Variants in ITPK1 observed in about 807,000 individuals in gnomAD.
ITPK1 encodes inositol-tetrakisphosphate 1-kinase.
ITPK1 carries 21 observed loss-of-function variants against 45.3 expected under a neutral mutation model. That is an observed-to-expected ratio of 0.46 (90% CI 0.33 to 0.67). The LOEUF (loss-of-function observed/expected upper bound fraction) is 0.67. Among genes scored for constraint, ITPK1 ranks in the 30% least tolerant of loss-of-function variants. The pLI is 0.02. For synonymous variants in ITPK1, 258 were observed against 253.6 expected (o/e 1.02, Z -0.16); for missense variants, 474 against 573.5 (o/e 0.83, Z 1.77).
intron 5 of ITPK1, among the ~76,000 whole-genome samples, chr14:92,982,413 G>A (rs192731632): frequency 6.2e-4 from 95 of 152,270 alleles, no homozygotes; most frequent in African/African-American, 2.1e-3. Context: ...AGCTGTGGCC[G>A]CCTTGCAAGT....
intron 4 of ITPK1, among the ~76,000 whole-genome samples, chr14:92,994,466 G>A (rs894958699): frequency 6.6e-6 from 1 of 152,164 alleles, no homozygotes; most frequent in Non-Finnish European, 1.5e-5. Context: ...CACTCCTCAA[G>A]TACTCCACTT....
At chr14:93,092,637 G>C (rs182922528) in intron 2 of ITPK1, among the ~76,000 whole-genome samples, 77 of 152,352 alleles carry the variant, frequency 5.1e-4, no homozygotes, top group African/African-American at 1.3e-3. Context: ...GACATTCTTG[G>C]AAGACGAGAG....
chr14:93,006,830 T>A (rs1185638606), intron 4 of ITPK1, among the ~76,000 whole-genome samples: 1 of 152,130 alleles, frequency 6.6e-6, no homozygotes, highest in South Asian at 2.1e-4. Flanking sequence ...AACTCCCCCT[T>A]TTTCCAGGCC....
chr14:93,001,728 G>A (rs1887364661), intron 4 of ITPK1, among the ~76,000 whole-genome samples: 1 of 152,274 alleles, frequency 6.6e-6, no homozygotes, highest in Admixed American at 6.5e-5. Context: ...GTACTCACAG[G>A]GGCTTTCATG....
chr14:92,940,236 C>T lies in ITPK1; in HGVS notation c.*1325G>A. Reference sequence around the variant, plus strand: ...GAGGACAGCCCGGAAGCCTTTTTCACTTTTTCAAAGTAAACTGCTATCTTA... The same window carrying T: ...GAGGACAGCCCGGAAGCCTTTTTCATTTTTTCAAAGTAAACTGCTATCTTA... On this transcript the variant is annotated 3_prime_UTR_variant, in exon 11 of 11. Coordinates refer to ENST00000267615, the MANE Select transcript of ITPK1 (RefSeq NM_014216.6). 1.9e-5 allele frequency: 19 copies of T among 986,460 alleles called. No individual in the cohort carries two copies. The highest frequency in any genetic ancestry group is 2.3e-5 in the Non-Finnish European group (19 of 830,680). The allele number at this position is 986,460 out of a possible 1,614,324, so 61.1% of individuals were successfully genotyped here.
chr14:93,010,687 C>G (rs998261117), intron 4 of ITPK1, among the ~76,000 whole-genome samples: 9 of 152,218 alleles, frequency 5.9e-5, no homozygotes, highest in African/African-American at 2.2e-4. Flanking sequence ...GCTGGGGCCA[C>G]AGATAAGGCT....
rs142185826 is a variant in ITPK1 at position 92,942,963 on chromosome 14, C to T, written c.902-1059G>A. 3.7e-3 allele frequency among the ~76,000 whole-genome samples: 560 copies of T among 152,378 alleles called. 4 individuals are homozygous for T. Among genetic ancestry groups the T allele is most frequent in the African/African-American group, 0.012 (510 of 41,592 alleles). ...AGGTTCAGACGGGGGCACCCTGTGCCACCTCTTACAGTGCCCAGGGGCCTG... is the reference window on the plus strand; with the variant it reads ...AGGTTCAGACGGGGGCACCCTGTGCTACCTCTTACAGTGCCCAGGGGCCTG... On this transcript the variant is annotated intron_variant, in intron 10 of 10. Coordinates refer to ENST00000267615, the MANE Select transcript of ITPK1 (RefSeq NM_014216.6).
intron 5 of ITPK1, among the ~76,000 whole-genome samples, chr14:92,980,632 T>C (rs1039424831): frequency 3.3e-5 from 5 of 152,184 alleles, no homozygotes; most frequent in Middle Eastern, 3.2e-3. Context: ...TGGGGACTTA[T>C]TACTATTGGG....
intron 7 of ITPK1, among the ~76,000 whole-genome samples, chr14:92,962,009 G>A (rs761570062): frequency 4.3e-4 from 66 of 152,376 alleles, no homozygotes; most frequent in East Asian, 2.3e-3. Context: ...TTTAGCCTCC[G>A]GGGCTGTGAG....
chr14:93,074,155 T>C (rs929025606), intron 3 of ITPK1, among the ~76,000 whole-genome samples: 5 of 152,090 alleles, frequency 3.3e-5, no homozygotes, highest in African/African-American at 9.7e-5. Context: ...CAGGAGGAGG[T>C]GAACAGAGAG....
At chr14:93,010,265 C>G (rs2139842523) in intron 4 of ITPK1, among the ~76,000 whole-genome samples, 1 of 152,376 alleles carries the variant, frequency 6.6e-6, no homozygotes, top group East Asian at 1.9e-4. Context: ...GACTCGAACA[C>G]CTAGAACAAC....
chr14:93,106,801 C>T (rs937358274), intron 2 of ITPK1, among the ~76,000 whole-genome samples: 10 of 152,230 alleles, frequency 6.6e-5, no homozygotes, highest in East Asian at 3.9e-4. Context: ...CAAGCCCCTC[C>T]GGAACCTGGG....
intron 8 of ITPK1, among the ~76,000 whole-genome samples, chr14:92,956,109 G>C (rs1452945884): frequency 6.7e-6 from 1 of 148,808 alleles, no homozygotes; most frequent in African/African-American, 2.5e-5. Context: ...TCTACTATTT[G>C]GGCTTAGTCT....
In ITPK1 at chr14:92,938,429, G is replaced by A. The variant is rs1887211800; in HGVS notation, c.*3132C>T. On this transcript the variant is annotated 3_prime_UTR_variant, in exon 11 of 11. Transcript: ENST00000267615. Reference sequence around the variant, plus strand: ...TCCCTTGGTCTTGGGGTGGCTGTCTGGCAGGCAACAGCTGCTTTGCTCAGT... The same window carrying A: ...TCCCTTGGTCTTGGGGTGGCTGTCTAGCAGGCAACAGCTGCTTTGCTCAGT... 7.0e-7 allele frequency: 1 copy of A among 1,430,400 alleles called. No homozygotes were observed. Among genetic ancestry groups the A allele is most frequent in the African/African-American group, 1.4e-5 (1 of 71,402 alleles). The allele number at this position is 1,430,400 out of a possible 1,614,324, so 88.6% of individuals were successfully genotyped here.
At chr14:92,956,564 GACGGAA>G (rs895732294) in intron 8 of ITPK1, among the ~76,000 whole-genome samples, 27 of 152,278 alleles carry the variant, frequency 1.8e-4, no homozygotes, top group Non-Finnish European at 3.4e-4. Flanking sequence ...CCAGCGTCGA[GACGGAA>G]ACTGGCCCAG....
chr14:93,007,728 G>A (rs2139837533), intron 4 of ITPK1, among the ~76,000 whole-genome samples: 1 of 152,358 alleles, frequency 6.6e-6, no homozygotes, highest in South Asian at 2.1e-4. Context: ...CCCCGTGGAT[G>A]ACACTGGCCT....
intron 3 of ITPK1, among the ~76,000 whole-genome samples, chr14:93,056,802 T>G (rs1418536246): frequency 6.6e-6 from 1 of 152,236 alleles, no homozygotes; most frequent in Admixed American, 6.5e-5. Flanking sequence ...AAAGATGTAC[T>G]ATAGCAATTT....
At chr14:92,945,437 G>A (rs897974970) in intron 10 of ITPK1, among the ~76,000 whole-genome samples, 2 of 152,258 alleles carry the variant, frequency 1.3e-5, no homozygotes, top group Non-Finnish European at 2.9e-5. Flanking sequence ...CTGAAGGCAG[G>A]AGGCATTTCC....
rs570399325 is a variant in ITPK1, at chr14:93,030,957, G to A, written c.121-14156C>T. The stretch of plus-strand genomic sequence containing the variant: ...ATGAGGGCGGTACTTCTACATTCCC[G>A]GGAACGCCAAAGATGGCTGGCAATC... On this transcript the variant is annotated intron_variant, in intron 3 of 10. Coordinates refer to ENST00000267615, the MANE Select transcript of ITPK1 (RefSeq NM_014216.6). Among the ~76,000 whole-genome samples, 78 of 152,274 alleles carry A rather than the reference G, an allele frequency of 5.1e-4. No individual in the cohort carries two copies. In the South Asian group the frequency reaches 8.1e-3, roughly 16 times the overall value.
Sources: gnomAD v4.1 joint callset for allele counts (sites outside exome capture counted in the v4.1 genomes callset) on GRCh38, gnomAD v4.1.1 for gene constraint, MANE v1.5 for transcripts, NCBI Gene and HGNC (gene_info 2026-07-23, HGNC 2026-07-21) for gene names.